Variants in PPM1E observed in about 807,000 individuals in gnomAD.
PPM1E encodes the protein protein phosphatase, Mg2+/Mn2+ dependent 1E.
Under a neutral mutation model 65.9 loss-of-function variants are expected in PPM1E, and 20 were observed. The ratio of observed to expected loss-of-function variants is 0.30; its 90% CI spans 0.21 to 0.44. PPM1E has a LOEUF of 0.44. Among genes scored for constraint, PPM1E ranks in the 20% least tolerant of loss-of-function variants. The pLI, the probability that PPM1E is intolerant of heterozygous loss-of-function variation, is 1.00. For missense variants in PPM1E, 713 were observed against 953.1 expected, an observed-to-expected ratio of 0.75 and a Z score of 3.32; for synonymous variants, 352 against 374.9, an observed-to-expected ratio of 0.94 and a Z score of 0.70.
intron 1 of PPM1E, among the ~76,000 whole-genome samples, chr17:58,862,043 T>C (rs1392443379): frequency 1.3e-5 from 2 of 152,238 alleles, no homozygotes; most frequent in Non-Finnish European, 2.9e-5. Context: ...AAACACTCTT[T>C]TACTCAATTA....
chr17:58,896,114 C>CAAAAA (rs1265542837), intron 1 of PPM1E, among the ~76,000 whole-genome samples: 4 of 62,454 alleles, frequency 6.4e-5, no homozygotes, highest in African/African-American at 2.1e-4. Context: ...GACTCTGTCT[C>CAAAAA]AAAAAAAAAA....
At chr17:58,894,867 G>A (rs987039927) in intron 1 of PPM1E, among the ~76,000 whole-genome samples, 1 of 151,884 alleles carries the variant, frequency 6.6e-6, no homozygotes, top group African/African-American at 2.4e-5. Context: ...AACTGTTCTG[G>A]AGTAAAACAT....
intron 1 of PPM1E, among the ~76,000 whole-genome samples, chr17:58,884,297 T>TA (rs1483416641): frequency 1.3e-5 from 2 of 152,214 alleles, no homozygotes; most frequent in Non-Finnish European, 2.9e-5. Flanking sequence ...TGCCAATTCT[T>TA]ATGCCTTTAG....
At chr17:58,966,887 G>A (rs1395195161) in intron 3 of PPM1E, among the ~76,000 whole-genome samples, 2 of 152,172 alleles carry the variant, frequency 1.3e-5, no homozygotes, top group African/African-American at 4.8e-5. Flanking sequence ...ATGATGGCAG[G>A]TTGGTAATTG....
rs1233725362 is a variant in PPM1E at position 58,755,858 on chromosome 17, C to G, written c.-140C>G. On this transcript the variant is annotated 5_prime_UTR_variant, in exon 1 of 7. Transcript: ENST00000308249. ...GCGCGCACGCCTGCGGGAGCCCTCT[C>G]CAGGCAACCTAGTGCTGATCGCTCG... 1 of 1,433,392 alleles carries G rather than the reference C, an allele frequency of 7.0e-7. No homozygotes were observed. The highest frequency in any genetic ancestry group is 9.1e-7 in the Non-Finnish European group (1 of 1,094,140). 88.8% of individuals were successfully genotyped at this position (1,433,392 alleles called of 1,614,324 possible).
chr17:58,869,543 C>CAGA (rs1175496967), intron 1 of PPM1E, among the ~76,000 whole-genome samples: 1 of 152,240 alleles, frequency 6.6e-6, no homozygotes, highest in Non-Finnish European at 1.5e-5. Flanking sequence ...AGCTCCCCTT[C>CAGA]TCCTTCTGCC....
At chr17:58,907,270 T>G (rs972476032) in intron 1 of PPM1E, among the ~76,000 whole-genome samples, 1 of 152,046 alleles carries the variant, frequency 6.6e-6, no homozygotes, top group Non-Finnish European at 1.5e-5. Flanking sequence ...AGAAGTGAAT[T>G]GTTTTATCTC....
At chr17:58,825,430 T>C (rs1484062650) in intron 1 of PPM1E, among the ~76,000 whole-genome samples, 1 of 151,844 alleles carries the variant, frequency 6.6e-6, no homozygotes, top group Non-Finnish European at 1.5e-5. Flanking sequence ...AAACAAAAAC[T>C]TCTGAATAAA....
intron 1 of PPM1E, among the ~76,000 whole-genome samples, chr17:58,861,333 G>A (rs1036647696): frequency 2.0e-5 from 3 of 152,188 alleles, no homozygotes; most frequent in African/African-American, 7.2e-5. Flanking sequence ...AACTTGCAAA[G>A]GATGACCTTC....
intron 1 of PPM1E, among the ~76,000 whole-genome samples, chr17:58,891,614 C>T (rs1008182197): frequency 9.9e-5 from 15 of 151,970 alleles, no homozygotes; most frequent in East Asian, 3.9e-4. Flanking sequence ...TGAGCCAACG[C>T]GCCTGGCTGG....
chr17:58,838,548 C>A (rs528228288), intron 1 of PPM1E, among the ~76,000 whole-genome samples: 3 of 152,326 alleles, frequency 2.0e-5, no homozygotes, highest in African/African-American at 7.2e-5. Context: ...AAAAGAAACT[C>A]TCATCTTTGC....
intron 1 of PPM1E, among the ~76,000 whole-genome samples, chr17:58,817,025 TG>T (rs1364294018): frequency 6.6e-6 from 1 of 151,448 alleles, no homozygotes; most frequent in Non-Finnish European, 1.5e-5. Flanking sequence ...AACCCCTGAG[TG>T]GAAGCCATCT....
At chr17:58,856,571 C>T (rs1048355781) in intron 1 of PPM1E, among the ~76,000 whole-genome samples, 4 of 152,010 alleles carry the variant, frequency 2.6e-5, no homozygotes, top group African/African-American at 9.7e-5. Flanking sequence ...AGGTTTTAAC[C>T]CCCAGCACCT....
intron 1 of PPM1E, among the ~76,000 whole-genome samples, chr17:58,883,347 A>G (rs1369005452): frequency 1.3e-5 from 2 of 151,704 alleles, no homozygotes; most frequent in Non-Finnish European, 2.9e-5. Flanking sequence ...TCTTGGAAAT[A>G]ATTTTTTTCC....
intron 1 of PPM1E, among the ~76,000 whole-genome samples, chr17:58,930,221 C>A (rs978578857): frequency 6.6e-6 from 1 of 150,814 alleles, no homozygotes; most frequent in Non-Finnish European, 1.5e-5. Context: ...CATGGGAAAA[C>A]CCCACCTCTA....
At chr17:58,768,293 T>C (rs1405144344) in intron 1 of PPM1E, among the ~76,000 whole-genome samples, 1 of 151,858 alleles carries the variant, frequency 6.6e-6, no homozygotes, top group Non-Finnish European at 1.5e-5. Context: ...TTGCCCAGGG[T>C]GGTCTCAAAT....
At chr17:58,765,246 C>T (rs771873185) in intron 1 of PPM1E, among the ~76,000 whole-genome samples, 16 of 149,412 alleles carry the variant, frequency 1.1e-4, no homozygotes, top group Admixed American at 2.0e-4. Flanking sequence ...GACACGATCT[C>T]GGCTCACTGC....
intron 4 of PPM1E, 57 bp from the exon 5 acceptor site, chr17:58,972,075 A>G (rs2143729765): frequency 1.3e-6 from 2 of 1,518,018 alleles, no homozygotes; most frequent in East Asian, 4.6e-5. Flanking sequence ...GCTTCTCAAT[A>G]AGAATGTAGT....
chr17:58,860,418 TTCCA>T (rs1179066436), intron 1 of PPM1E, among the ~76,000 whole-genome samples: 2 of 152,198 alleles, frequency 1.3e-5, no homozygotes, highest in African/African-American at 4.8e-5. Flanking sequence ...TTCCTTAGTT[TTCCA>T]TCCCTTATTT....
Sources: allele counts gnomAD v4.1 joint callset (sites outside exome capture counted in the v4.1 genomes callset), GRCh38; gene constraint gnomAD v4.1.1; transcripts MANE v1.5; gene names NCBI Gene and HGNC (gene_info 2026-07-23, HGNC 2026-07-21).